The following ASIC2 variants were observed in gnomAD, a reference collection of about 807,000 sequenced individuals.
ASIC2 encodes the protein acid sensing ion channel subunit 2, also known as acid-sensing ion channel 2.
A neutral mutation model predicts 57.3 loss-of-function variants in ASIC2; 25 were observed. That is an observed-to-expected ratio of 0.44 (90% CI 0.32 to 0.61). The LOEUF (loss-of-function observed/expected upper bound fraction) is 0.61, where lower values mean the gene tolerates loss of function less well. ASIC2 is among the 20% of genes least tolerant of loss of function. The pLI is 0.06. For missense variants in ASIC2, 641 were observed against 738.1 expected (o/e 0.87, Z 1.52); for synonymous variants, 319 against 307.5 (o/e 1.04, Z -0.39).
intron 1 of ASIC2, among the ~76,000 whole-genome samples, chr17:34,011,341 A>T (rs950420698): frequency 6.6e-6 from 1 of 151,852 alleles, no homozygotes; most frequent in Non-Finnish European, 1.5e-5. Context: ...CTTAAGGTCT[A>T]TTTTTTTGGG....
Position 33,830,608 on chromosome 17 carries a change from A to G in ASIC2, c.555+325370T>C, listed in dbSNP as rs367876664. ...TATATGCAGAAAGTGCAAGTTTGTT[A>G]CATAGGTATACATGGGCCACGGTGG... On this transcript the variant is annotated intron_variant, in intron 1 of 9. Coordinates refer to the ASIC2 transcript ENST00000359872. Among the ~76,000 whole-genome samples, 30 of 152,286 alleles carry G rather than the reference A, an allele frequency of 2.0e-4. 1 individual carries two copies. In the East Asian group the frequency reaches 4.4e-3, roughly 23 times the overall value.
Position 34,036,548 on chromosome 17 carries a change from A to T in ASIC2, c.555+119430T>A, listed in dbSNP as rs1379573804. The T allele has an allele frequency of 4.0e-5, 6 of 148,156 alleles. No individual in the cohort carries two copies. In the Admixed American group the frequency reaches 4.1e-4, roughly 10 times the overall value. 9.2% of individuals were successfully genotyped at this position (148,156 alleles called of 1,614,324 possible). ...AATAATAAAATAAAATAAAATAAAA[A>T]ATAAAAATATAAAAAAAGCACCATC... On this transcript the variant is annotated intron_variant, in intron 1 of 9. Coordinates refer to the ASIC2 transcript ENST00000359872.
In ASIC2 at chr17:33,911,995, T is replaced by C. The variant is rs569779561; in HGVS notation, c.555+243983A>G. ...GTGTCTACTAAAAATACAAAATTAG[T>C]GGGGCGTGGTGGTGTATGCCTGTAA... is the stretch of plus-strand genomic sequence containing the variant. On this transcript the variant is annotated intron_variant, in intron 1 of 9. Coordinates refer to the ASIC2 transcript ENST00000359872. Among the ~76,000 whole-genome samples, 341 of 150,746 alleles carry C rather than the reference T, an allele frequency of 2.3e-3. 2 individuals carry two copies. Among genetic ancestry groups the C allele is most frequent in the Non-Finnish European group, 3.8e-3 (257 of 67,554 alleles).
At chr17:33,924,246 G>A (rs1421057855) in intron 1 of ASIC2, among the ~76,000 whole-genome samples, 11 of 152,326 alleles carry the variant, frequency 7.2e-5, no homozygotes, top group South Asian at 6.2e-4. Context: ...ACAGCCCAGC[G>A]TGCTCCTCCT....
At chr17:33,510,759 A>G (rs1914406780) in intron 1 of ASIC2, among the ~76,000 whole-genome samples, 1 of 152,144 alleles carries the variant, frequency 6.6e-6, no homozygotes, top group African/African-American at 2.4e-5. Context: ...GCCAGTTCCC[A>G]CCATTACCAC....
intron 1 of ASIC2, among the ~76,000 whole-genome samples, chr17:33,160,543 T>G (rs555966151): frequency 6.6e-6 from 1 of 151,532 alleles, no homozygotes; most frequent in African/African-American, 2.4e-5. Flanking sequence ...TTTTACACAT[T>G]TCTAGGCTAC....
intron 1 of ASIC2, among the ~76,000 whole-genome samples, chr17:34,122,512 C>G (rs1911655646): frequency 6.6e-6 from 1 of 152,244 alleles, no homozygotes; most frequent in African/African-American, 2.4e-5. Context: ...GAGAGCGAGT[C>G]TTTCTCCCAT....
intron 1 of ASIC2, among the ~76,000 whole-genome samples, chr17:34,120,407 C>T (rs1239641300): frequency 1.3e-5 from 2 of 151,988 alleles, no homozygotes; most frequent in Non-Finnish European, 2.9e-5. Flanking sequence ...TGTCTGTGCA[C>T]ACGCATATGG....
intron 1 of ASIC2, among the ~76,000 whole-genome samples, chr17:34,137,315 C>T (rs1436663627): frequency 6.6e-6 from 1 of 152,234 alleles, no homozygotes; most frequent in Non-Finnish European, 1.5e-5. Context: ...ACAATTGAGA[C>T]TTTAGCCAAT....
intron 1 of ASIC2, among the ~76,000 whole-genome samples, chr17:33,727,427 C>T (rs1032837020): frequency 1.1e-4 from 17 of 152,168 alleles, no homozygotes; most frequent in African/African-American, 4.1e-4. Context: ...GGTGATATGG[C>T]TTGGATCTGT....
At chr17:34,084,035 C>T (rs1338760536) in intron 1 of ASIC2, among the ~76,000 whole-genome samples, 1 of 151,938 alleles carries the variant, frequency 6.6e-6, no homozygotes, top group Non-Finnish European at 1.5e-5. Flanking sequence ...AATTAGATCC[C>T]ATTTGTCAAT....
At chr17:34,089,129 C>T (rs1189606437) in intron 1 of ASIC2, among the ~76,000 whole-genome samples, 10 of 152,224 alleles carry the variant, frequency 6.6e-5, no homozygotes, top group African/African-American at 1.4e-4. Flanking sequence ...TCTTCTGCGT[C>T]GTTCATGCTG....
chr17:33,234,469 G>T (rs558321222), intron 1 of ASIC2, among the ~76,000 whole-genome samples: 1 of 152,262 alleles, frequency 6.6e-6, no homozygotes, highest in Admixed American at 6.5e-5. Flanking sequence ...TTTCAGAGTG[G>T]CCCTCTTCTC....
chr17:33,507,047 T>A (rs1914285102), intron 1 of ASIC2, among the ~76,000 whole-genome samples: 3 of 152,070 alleles, frequency 2.0e-5, no homozygotes, highest in Admixed American at 2.0e-4. Flanking sequence ...TGGGGCAGGG[T>A]CAAGGGGCCG....
intron 1 of ASIC2, among the ~76,000 whole-genome samples, chr17:34,108,225 C>A (rs28401241): frequency 0.18 from 26,988 of 152,058 alleles, 3,024 homozygotes; most frequent in African/African-American, 0.32. Flanking sequence ...CTGAAACTTT[C>A]TGGAAGTTCC....
intron 1 of ASIC2, among the ~76,000 whole-genome samples, chr17:33,911,570 G>C (rs1435209514): frequency 6.6e-6 from 1 of 152,168 alleles, no homozygotes; most frequent in African/African-American, 2.4e-5. Flanking sequence ...GACCATACCT[G>C]TCTACAAAAA....
At chr17:33,954,852 A>G (rs1438356817) in intron 1 of ASIC2, among the ~76,000 whole-genome samples, 1 of 152,194 alleles carries the variant, frequency 6.6e-6, no homozygotes, top group East Asian at 1.9e-4. Flanking sequence ...TCTTGCTTAT[A>G]AGAAGAACCT....
chr17:33,131,506 C>T (rs747938562), intron 1 of ASIC2: 10 of 152,260 alleles, frequency 6.6e-5, no homozygotes, highest in African/African-American at 9.7e-5. Flanking sequence ...TATCCTAGCC[C>T]CTGAGCCAGT....
intron 1 of ASIC2, among the ~76,000 whole-genome samples, chr17:34,054,055 G>A (rs146757786): frequency 1.4e-4 from 21 of 152,354 alleles, no homozygotes; most frequent in East Asian, 9.6e-4. Context: ...CATAAGTACC[G>A]CAAACCTGCA....
Sources: gnomAD v4.1 joint callset for allele counts (sites outside exome capture counted in the v4.1 genomes callset) on GRCh38, gnomAD v4.1.1 for gene constraint, MANE v1.5 for transcripts, NCBI Gene and HGNC (gene_info 2026-07-23, HGNC 2026-07-21) for gene names.